The following PCCA variants were observed in gnomAD, a reference collection of about 807,000 sequenced individuals.
PCCA encodes the protein propionyl-CoA carboxylase alpha chain, mitochondrial.
PCCA carries 74 observed loss-of-function variants against 101.3 expected under a neutral mutation model. The ratio of observed to expected loss-of-function variants is 0.73; its 90% CI spans 0.61 to 0.89. PCCA has a LOEUF of 0.89. Among genes scored for constraint, PCCA ranks in the 40% least tolerant of loss-of-function variants. The pLI is 0.00. For missense variants in PCCA, 891 were observed against 907.0 expected, an observed-to-expected ratio of 0.98 and a Z score of 0.23; for synonymous variants, 294 against 313.6, an observed-to-expected ratio of 0.94 and a Z score of 0.66.
At chr13:100,240,571 C>G (rs1189407183) in intron 8 of PCCA, among the ~76,000 whole-genome samples, 3 of 151,856 alleles carry the variant, frequency 2.0e-5, no homozygotes, top group African/African-American at 7.3e-5. Flanking sequence ...GCATAGTATT[C>G]ATGATTTGCA....
In PCCA at chr13:100,417,417, G is replaced by A. The variant is rs186989548; in HGVS notation, c.1747-8216G>A. Among the ~76,000 whole-genome samples the A allele has an allele frequency of 9.2e-5, 14 of 152,238 alleles. No homozygotes were observed. The East Asian group carries it at 1.4e-3, about 15-fold the overall frequency. On this transcript the variant is annotated intron_variant, in intron 19 of 23. Transcript: ENST00000376285. ...GAGTTTACACTTTTCAAAAACAGGC[G>A]GCACTTCCATGTGTTTATTTCCCCT... is the stretch of plus-strand genomic sequence containing the variant.
intron 19 of PCCA, among the ~76,000 whole-genome samples, chr13:100,393,649 T>A (rs1017807168): frequency 3.9e-5 from 6 of 152,052 alleles, no homozygotes; most frequent in Admixed American, 3.3e-4. Context: ...GAACTCTTGA[T>A]CTCATGATCT....
chr13:100,100,880 T>G (rs959389577), intron 1 of PCCA, among the ~76,000 whole-genome samples: 19 of 151,978 alleles, frequency 1.3e-4, no homozygotes, highest in African/African-American at 4.1e-4. Flanking sequence ...CTCGGCTCAC[T>G]GCAACCTCCG....
chr13:100,110,989 G>A (rs2048254368), intron 2 of PCCA, among the ~76,000 whole-genome samples: 1 of 150,800 alleles, frequency 6.6e-6, no homozygotes, highest in African/African-American at 2.4e-5. Context: ...GCACCATCAC[G>A]CCGGCTAATT....
intron 19 of PCCA, among the ~76,000 whole-genome samples, chr13:100,380,037 A>G (rs976515394): frequency 6.6e-6 from 1 of 151,990 alleles, no homozygotes; most frequent in Non-Finnish European, 1.5e-5. Flanking sequence ...ATCTAAACAC[A>G]CACACACACA....
chr13:100,271,487 G>A lies in PCCA; in HGVS notation c.915-1709G>A, dbSNP rs150482384. Among the ~76,000 whole-genome samples, 314 of 151,890 alleles carry A rather than the reference G, an allele frequency of 2.1e-3. 2 individuals carry two copies. The highest frequency in any genetic ancestry group is 7.2e-3 in the African/African-American group (299 of 41,400). ...TGTAATATGAATGTTAAAAGACACC[G>A]TGGGGTTGCATGCAGTTGAACCAAG... On this transcript the variant is annotated intron_variant, in intron 11 of 23. Transcript: ENST00000376285.
At chr13:100,131,244 A>G (rs759543008) in intron 4 of PCCA, among the ~76,000 whole-genome samples, 18 of 152,180 alleles carry the variant, frequency 1.2e-4, no homozygotes, top group Admixed American at 5.9e-4. Context: ...ATCTGGTGCC[A>G]GAAGTGTCTC....
At chr13:100,401,531 C>T (rs570212990) in intron 19 of PCCA, among the ~76,000 whole-genome samples, 48 of 152,150 alleles carry the variant, frequency 3.2e-4, no homozygotes, top group African/African-American at 1.1e-3. Flanking sequence ...CGTGAGCCAC[C>T]GTGCCCAGCC....
intron 4 of PCCA, among the ~76,000 whole-genome samples, chr13:100,154,126 T>G (rs1200168755): frequency 2.0e-5 from 3 of 152,174 alleles, no homozygotes; most frequent in Non-Finnish European, 2.9e-5. Context: ...TGCAAAATAA[T>G]TGTAATCTGG....
chr13:100,142,052 C>CT (rs1345737283), intron 4 of PCCA, among the ~76,000 whole-genome samples: 2 of 150,364 alleles, frequency 1.3e-5, no homozygotes, highest in African/African-American at 4.9e-5. Flanking sequence ...TTTTTCTGAT[C>CT]TTTTTATTAT....
intron 21 of PCCA, among the ~76,000 whole-genome samples, chr13:100,457,810 G>A (rs2081857737): frequency 6.6e-6 from 1 of 152,136 alleles, no homozygotes; most frequent in Non-Finnish European, 1.5e-5. Flanking sequence ...TGTCACTTTT[G>A]GTCAGAGATA....
chr13:100,391,232 A>G (rs1199733277), intron 19 of PCCA, among the ~76,000 whole-genome samples: 2 of 152,108 alleles, frequency 1.3e-5, no homozygotes, highest in African/African-American at 2.4e-5. Flanking sequence ...TGGCCAGGAT[A>G]GTCTTGATTT....
intron 12 of PCCA, among the ~76,000 whole-genome samples, chr13:100,285,238 A>G (rs1204429982): frequency 1.3e-5 from 2 of 152,172 alleles, no homozygotes; most frequent in East Asian, 1.9e-4. Context: ...TACGCTAATC[A>G]AGGACACCCA....
intron 4 of PCCA, among the ~76,000 whole-genome samples, chr13:100,138,608 G>C (rs539255754): frequency 6.6e-6 from 1 of 152,186 alleles, no homozygotes; most frequent in East Asian, 1.9e-4. Flanking sequence ...GAGCTGATCT[G>C]CTAGCAACTA....
intron 18 of PCCA, among the ~76,000 whole-genome samples, chr13:100,353,808 C>T (rs1188818175): frequency 1.3e-5 from 2 of 151,932 alleles, no homozygotes; most frequent in African/African-American, 2.4e-5. Context: ...CAAGAATATG[C>T]TGCGCATGGT....
intron 19 of PCCA, among the ~76,000 whole-genome samples, chr13:100,406,332 A>G (rs1037502556): frequency 2.0e-5 from 3 of 152,248 alleles, no homozygotes; most frequent in East Asian, 1.9e-4. Context: ...TTCTAGAGGA[A>G]GCAGGAAGAG....
chr13:100,464,648 C>A (rs1438374457), intron 21 of PCCA: 3 of 152,052 alleles, frequency 2.0e-5, no homozygotes, highest in African/African-American at 7.3e-5. Flanking sequence ...CTGGTTATGA[C>A]CCCTTAACAT....
intron 1 of PCCA, among the ~76,000 whole-genome samples, chr13:100,094,376 AT>A (rs1566449585): frequency 6.6e-6 from 1 of 152,160 alleles, no homozygotes; most frequent in African/African-American, 2.4e-5. Flanking sequence ...GCAAAATTAT[AT>A]TTTTTGAAAG....
intron 21 of PCCA, among the ~76,000 whole-genome samples, chr13:100,465,557 A>T (rs2082452291): frequency 6.6e-6 from 1 of 152,206 alleles, no homozygotes; most frequent in Admixed American, 6.5e-5. Flanking sequence ...ATAGACAGTG[A>T]TAATTTTTAT....
Sources: allele counts gnomAD v4.1 joint callset (sites outside exome capture counted in the v4.1 genomes callset), GRCh38; gene constraint gnomAD v4.1.1; transcripts MANE v1.5; gene names NCBI Gene and HGNC (gene_info 2026-07-23, HGNC 2026-07-21).